Variants in HELZ observed in about 807,000 individuals in gnomAD.
HELZ encodes helicase with zinc finger, also known as ATP-dependent RNA helicase with zinc finger domain.
Under a neutral mutation model 218.2 loss-of-function variants are expected in HELZ, and 23 were observed. The observed-to-expected ratio is 0.11, with a 90% CI of 0.08 to 0.15. The LOEUF is 0.15. Ranked by LOEUF, HELZ falls within the 10% of genes least tolerant of loss-of-function variation. The pLI is 1.00. For missense variants in HELZ, 1,813 were observed against 2,353.7 expected, an observed-to-expected ratio of 0.77 and a Z score of 4.75; for synonymous variants, 814 against 829.4, an observed-to-expected ratio of 0.98 and a Z score of 0.32.
intron 3 of HELZ, among the ~76,000 whole-genome samples, chr17:67,237,806 T>C (rs2041222818): frequency 6.6e-6 from 1 of 150,608 alleles, no homozygotes; most frequent in South Asian, 2.1e-4. Flanking sequence ...CTGACCAACA[T>C]GGTGAACCCC....
Position 67,108,772 on chromosome 17 carries a change from A to G in HELZ, c.4490-46T>C. 7.2e-7 allele frequency: 1 copy of G among 1,390,328 alleles called. No individual in the cohort carries two copies. Among genetic ancestry groups the G allele is most frequent in the Non-Finnish European group, 9.8e-7 (1 of 1,017,156 alleles). 86.1% of individuals were successfully genotyped at this position (1,390,328 alleles called of 1,614,324 possible). A position where few individuals can be genotyped will look rare whatever the true frequency, so the allele number is the denominator to read the frequency against. Reference sequence around the variant, plus strand: ...AATTTTTTATGAATTTGGGGTTTCAAGTTCATTATTTAAAGTTTTTTACTA... The same window carrying G: ...AATTTTTTATGAATTTGGGGTTTCAGGTTCATTATTTAAAGTTTTTTACTA... On this transcript the variant is annotated intron_variant, in intron 29 of 32. Coordinates refer to ENST00000358691, the MANE Select transcript of HELZ (RefSeq NM_014877.4). This position sits in a 1 kb window ranked among gnomAD's most constrained non-coding sequence, Gnocchi z 4.1.
In HELZ at chr17:67,195,468, T is replaced by C. The variant is rs758927886; in HGVS notation, c.432A>G (p.Thr144=). ...ATCCAGAGAGGGCGTTACTAGTTGC[T>C]GTCTGCAATTTTCCAAATGAAAGAA... ...RLKTLLSETE[T]ATSNALSGYH... The change falls in exon 8 of 33, where the codon ACA becomes ACG. Residue 144 remains threonine, a splice_region_variant and synonymous_variant. Coordinates refer to ENST00000358691, the MANE Select transcript of HELZ (RefSeq NM_014877.4). The C allele has an allele frequency of 4.4e-6, 7 of 1,594,184 alleles. No individual in the cohort carries two copies. In the Admixed American group the frequency reaches 5.0e-5, roughly 11 times the overall value.
At chr17:67,216,955 C>A (rs1428032655) in intron 4 of HELZ, among the ~76,000 whole-genome samples, 1 of 152,188 alleles carries the variant, frequency 6.6e-6, no homozygotes, top group African/African-American at 2.4e-5. Context: ...GCCCAAGACT[C>A]GGCCCTCAGT....
chr17:67,104,151 G>C (rs2037016266), intron 31 of HELZ, among the ~76,000 whole-genome samples: 1 of 152,000 alleles, frequency 6.6e-6, no homozygotes, highest in South Asian at 2.1e-4. Context: ...ACTATAAAAA[G>C]GGGCCGGGTG....
chr17:67,141,571 T>C (rs1399067614), intron 21 of HELZ, among the ~76,000 whole-genome samples: 1 of 151,980 alleles, frequency 6.6e-6, no homozygotes, highest in African/African-American at 2.4e-5. Context: ...TGTCTAGAAA[T>C]ATAACCTTTC....
chr17:67,185,926 A>C (rs1382527751), intron 12 of HELZ, among the ~76,000 whole-genome samples: 5 of 152,182 alleles, frequency 3.3e-5, no homozygotes, highest in Non-Finnish European at 7.4e-5. Flanking sequence ...GAAATGTAAA[A>C]CTTAATTTTC....
chr17:67,084,964 G>A (rs2036320497), intron 32 of HELZ, among the ~76,000 whole-genome samples: 1 of 152,158 alleles, frequency 6.6e-6, no homozygotes, highest in South Asian at 2.1e-4. Flanking sequence ...AAATTAGCTG[G>A]GCATGGTGGC....
intron 32 of HELZ, among the ~76,000 whole-genome samples, 185 bp downstream of exon 32, chr17:67,086,643 TA>T (rs1567787987): frequency 7.9e-6 from 1 of 126,026 alleles, no homozygotes; most frequent in African/African-American, 3.0e-5. Context: ...TATATATATA[TA>T]TATATATATA....
rs59600279 is a variant in HELZ, at chr17:67,145,207, T to C, written c.2769+536A>G. ...TCTGGTTTGTTAGCCCCTGAAGACG[T>C]TGCCATTTTTTTGGTCTGCTGCCTG... On this transcript the variant is annotated intron_variant, in intron 21 of 32. Transcript: ENST00000358691. Among the ~76,000 whole-genome samples, 3 of 152,276 alleles carry C rather than the reference T, an allele frequency of 2.0e-5. 1 individual carries two copies. The highest frequency in any genetic ancestry group is 1.9e-4 in the East Asian group (1 of 5,182).
intron 3 of HELZ, among the ~76,000 whole-genome samples, chr17:67,230,595 CA>C (rs376918246): frequency 3.6e-5 from 4 of 111,410 alleles, no homozygotes; most frequent in Non-Finnish European, 5.1e-5. Flanking sequence ...GACTCCATCT[CA>C]AAAAAAAAAA....
At position 67,078,046 on chromosome 17, in the gene HELZ, CAA is replaced by C; in HGVS notation, c.*204_*205del. On this transcript the variant is annotated 3_prime_UTR_variant, in exon 33 of 33. Coordinates refer to ENST00000358691, the MANE Select transcript of HELZ (RefSeq NM_014877.4). ...TTTTTTTATTCTACATAAAAGCTGT[CAA>C]AGTTTTGACACATCAAAAATGCAAA... 1 of 444,154 alleles carries C rather than the reference CAA, an allele frequency of 2.3e-6. No individual in the cohort carries two copies. Among genetic ancestry groups the C allele is most frequent in the East Asian group, 4.0e-5 (1 of 25,086 alleles). 27.5% of individuals were successfully genotyped at this position (444,154 alleles called of 1,614,324 possible). A position where few individuals can be genotyped will look rare whatever the true frequency, so the allele number is the denominator to read the frequency against.
At chr17:67,231,090 T>C (rs982204377) in intron 3 of HELZ, among the ~76,000 whole-genome samples, 1 of 152,230 alleles carries the variant, frequency 6.6e-6, no homozygotes, top group Admixed American at 6.5e-5. Context: ...GAAACCCAAA[T>C]TGAGGACCAT....
At chr17:67,239,746 A>G (rs930169918) in intron 2 of HELZ, 4 of 152,194 alleles carry the variant, frequency 2.6e-5, no homozygotes, top group Non-Finnish European at 4.4e-5. Flanking sequence ...CTTCAGGCCT[A>G]TATTTCCTTA....
chr17:67,216,098 G>T (rs972636823), intron 4 of HELZ, among the ~76,000 whole-genome samples, 163 bp from the exon 5 acceptor site: 25 of 152,098 alleles, frequency 1.6e-4, no homozygotes, highest in Admixed American at 6.6e-5. Context: ...GAGGATTACA[G>T]GGCACTCTAC....
At chr17:67,129,392 A>T (rs1473040836) in intron 23 of HELZ, among the ~76,000 whole-genome samples, 2 of 152,056 alleles carry the variant, frequency 1.3e-5, no homozygotes, top group Non-Finnish European at 2.9e-5. Flanking sequence ...ATATACACAC[A>T]CATAGATACC....
At chr17:67,167,989 T>G (rs543716624) in intron 13 of HELZ, among the ~76,000 whole-genome samples, 193 bp from the exon 14 acceptor site, 15 of 152,262 alleles carry the variant, frequency 9.9e-5, no homozygotes, top group African/African-American at 1.2e-4. Flanking sequence ...AAATTTTTTT[T>G]TTTGTTTTTT....
In HELZ at chr17:67,074,631, A is replaced by G. The variant is rs1291723821; in HGVS notation, c.*3621T>C. On this transcript the variant is annotated 3_prime_UTR_variant, in exon 33 of 33. Transcript: ENST00000358691. ...CTACACTAGAGCAACACAATACTAT[A>G]TATTAATTATCCCAAAGTTGGGAAA... 6.6e-6 allele frequency: 1 copy of G among 152,138 alleles called. No individual in the cohort carries two copies. Among genetic ancestry groups the G allele is most frequent in the Non-Finnish European group, 1.5e-5 (1 of 67,990 alleles). 9.4% of individuals were successfully genotyped at this position (152,138 alleles called of 1,614,324 possible). A position where few individuals can be genotyped will look rare whatever the true frequency, so the allele number is the denominator to read the frequency against.
chr17:67,195,852 C>CTTTT (rs1238942016), intron 7 of HELZ, among the ~76,000 whole-genome samples: 4 of 84,850 alleles, frequency 4.7e-5, no homozygotes, highest in Non-Finnish European at 9.4e-5. Context: ...TTTTTTTTTT[C>CTTTT]TTTTTTTTTT....
chr17:67,116,013 A>G (rs2037414211), intron 27 of HELZ, among the ~76,000 whole-genome samples: 1 of 152,148 alleles, frequency 6.6e-6, no homozygotes. Flanking sequence ...AAAATACATG[A>G]TAACAATAGC....
Sources: allele counts gnomAD v4.1 joint callset (sites outside exome capture counted in the v4.1 genomes callset), GRCh38; gene constraint gnomAD v4.1.1; non-coding constraint Gnocchi (gnomAD v3.1); transcripts MANE v1.5; gene names NCBI Gene and HGNC (gene_info 2026-07-23, HGNC 2026-07-21).